TGFB1: variants seen among roughly 807,000 people sequenced by gnomAD.
TGFB1 encodes transforming growth factor beta 1, also known as transforming growth factor beta-1 proprotein.
Under a neutral mutation model 43.8 loss-of-function variants are expected in TGFB1, and 19 were observed. The ratio of observed to expected loss-of-function variants is 0.43; its 90% CI spans 0.30 to 0.64. The LOEUF (loss-of-function observed/expected upper bound fraction) is 0.64, where lower values mean the gene tolerates loss of function less well. Among genes scored for constraint, TGFB1 ranks in the 30% least tolerant of loss-of-function variants. The pLI, the probability that TGFB1 is intolerant of heterozygous loss-of-function variation, is 0.11. For missense variants in TGFB1, 445 were observed against 529.8 expected, an observed-to-expected ratio of 0.84 and a Z score of 1.57; for synonymous variants, 221 against 236.3, an observed-to-expected ratio of 0.94 and a Z score of 0.60.
In TGFB1 at chr19:41,352,802, G is replaced by A; in HGVS notation, c.243C>T (p.Tyr81=). The A allele has an allele frequency of 6.2e-7, 1 of 1,608,402 alleles. No individual in the cohort carries two copies. Among genetic ancestry groups the A allele is most frequent in the Non-Finnish European group, 8.5e-7 (1 of 1,177,242 alleles). ...GPLPEAVLAL[Y]NSTRDRVAGE... ...CGGCCACCCGGTCGCGGGTGCTGTTGTACAGGGCGAGCACGGCCTCGGGCA... is the reference window on the plus strand; with the variant it reads ...CGGCCACCCGGTCGCGGGTGCTGTTATACAGGGCGAGCACGGCCTCGGGCA... Residue 81 remains tyrosine (Y), a synonymous_variant, in exon 1 of 7, where the codon TAC becomes TAT. Coordinates refer to ENST00000221930, the MANE Select transcript of TGFB1 (RefSeq NM_000660.7).
chr19:41,335,704 C>T (rs934376326), intron 5 of TGFB1, among the ~76,000 whole-genome samples: 3 of 152,172 alleles, frequency 2.0e-5, no homozygotes, highest in African/African-American at 4.8e-5. Context: ...CTCTCAAGAC[C>T]TAGGCCAGGT....
chr19:41,331,862 GTC>G (rs2037935736), intron 6 of TGFB1, among the ~76,000 whole-genome samples: 1 of 150,892 alleles, frequency 6.6e-6, no homozygotes, highest in South Asian at 2.1e-4. Context: ...CCATCTCCCT[GTC>G]TCTCTTCTCC....
chr19:41,330,731 G>A lies in TGFB1; in HGVS notation c.*321C>T. On this transcript the variant is annotated 3_prime_UTR_variant, in exon 7 of 7. Transcript: ENST00000221930. ...TGTAAGGCACTTCAACAGTGCCCAA[G>A]GTGCTCAATAAATAGATCTAACTAC... 1 of 300,836 alleles carries A rather than the reference G, an allele frequency of 3.3e-6. No homozygotes were observed. The highest frequency in any genetic ancestry group is 6.2e-6 in the Non-Finnish European group (1 of 161,188). 18.6% of individuals were successfully genotyped at this position (300,836 alleles called of 1,614,324 possible).
At chr19:41,339,583 G>A (rs974954212) in intron 5 of TGFB1, among the ~76,000 whole-genome samples, 1 of 152,018 alleles carries the variant, frequency 6.6e-6, no homozygotes, top group East Asian at 1.9e-4. Context: ...CCAGCACTTT[G>A]GGAGGCCGAG....
rs137864931 is a variant in TGFB1, at chr19:41,352,745, C to A, written c.300G>T (p.Glu100Asp). 5.8e-5 allele frequency: 93 copies of A among 1,613,374 alleles called. 1 individual carries two copies. Among genetic ancestry groups the A allele is most frequent in the Non-Finnish European group, 2.5e-6 (3 of 1,179,750 alleles). Residue 100 changes from glutamate (E) to aspartate (D), a missense_variant, in exon 1 of 7, where the codon GAG becomes GAT. This residue lies in a region of TGFB1 where 366 missense variants were observed against 428.8 expected (regional missense o/e 0.85). Coordinates refer to ENST00000221930, the MANE Select transcript of TGFB1 (RefSeq NM_000660.7). Reference sequence around the variant, plus strand: ...TGACCTCCTTGGCGTAGTAGTCGGCCTCAGGCTCGGGCTCCGGTTCTGCAC... The same window carrying A: ...TGACCTCCTTGGCGTAGTAGTCGGCATCAGGCTCGGGCTCCGGTTCTGCAC... ...GESAEPEPEP[E>D]ADYYAKEVTR...
At chr19:41,337,098 C>T (rs1249654762) in intron 5 of TGFB1, among the ~76,000 whole-genome samples, 2 of 152,006 alleles carry the variant, frequency 1.3e-5, no homozygotes, top group Non-Finnish European at 2.9e-5. Context: ...GCTAAGACTA[C>T]AGGCGCCTGC....
At chr19:41,351,991 C>A (rs2038204761) in intron 1 of TGFB1, among the ~76,000 whole-genome samples, 1 of 152,100 alleles carries the variant, frequency 6.6e-6, no homozygotes, top group African/African-American at 2.4e-5. Context: ...GACACCTCTG[C>A]ATCCCGGGCG....
chr19:41,347,743 A>G (rs970225304), intron 2 of TGFB1, among the ~76,000 whole-genome samples: 10 of 148,164 alleles, frequency 6.7e-5, no homozygotes, highest in African/African-American at 7.5e-5. Flanking sequence ...CAGGAGAATC[A>G]CTTGAACCCA....
intron 5 of TGFB1, among the ~76,000 whole-genome samples, chr19:41,339,562 T>C (rs946540632): frequency 2.0e-5 from 3 of 148,766 alleles, no homozygotes; most frequent in African/African-American, 4.9e-5. Context: ...CAGTGGTTCA[T>C]GCCTGTAATC....
In TGFB1 at chr19:41,341,863, A is replaced by G; in HGVS notation, c.860+20T>C. ...CATGCCCCCAGCCTGGAAGGCCTCC[A>G]TCCAGGCTACAAGGCTCACCTGAAG... On this transcript the variant is annotated intron_variant, in intron 5 of 6. Transcript: ENST00000221930. The G allele has an allele frequency of 6.2e-7, 1 of 1,612,616 alleles. No individual in the cohort carries two copies. The highest frequency in any genetic ancestry group is 8.5e-7 in the Non-Finnish European group (1 of 1,179,826).
chr19:41,339,265 A>G (rs2038025409), intron 5 of TGFB1, among the ~76,000 whole-genome samples: 1 of 151,702 alleles, frequency 6.6e-6, no homozygotes. Flanking sequence ...ACAGGCACAC[A>G]CCACCCAGCC....
At chr19:41,334,424 CTTTT>C (rs750640294) in intron 5 of TGFB1, among the ~76,000 whole-genome samples, 18 of 116,984 alleles carry the variant, frequency 1.5e-4, no homozygotes, top group African/African-American at 4.1e-4. Flanking sequence ...TTGACAATGC[CTTTT>C]TTTTTTTTTT....
intron 5 of TGFB1, among the ~76,000 whole-genome samples, chr19:41,338,136 G>T (rs1375901573): frequency 6.6e-6 from 1 of 151,804 alleles, no homozygotes; most frequent in Non-Finnish European, 1.5e-5. Flanking sequence ...AGGTTGCAGT[G>T]AGCTGAGATC....
intron 5 of TGFB1, among the ~76,000 whole-genome samples, chr19:41,333,941 G>A (rs11466351): frequency 1.1e-3 from 166 of 152,268 alleles, no homozygotes; most frequent in African/African-American, 3.8e-3. Context: ...GAGAGTTTAC[G>A]GGCATTCATT....
chr19:41,344,718 CAG>C (rs762702988), intron 3 of TGFB1, 27 bp downstream of exon 3: 134 of 1,602,394 alleles, frequency 8.4e-5, no homozygotes, highest in Middle Eastern at 5.7e-4. Context: ...CAGGGAGAAA[CAG>C]GGGTGGGACA....
chr19:41,346,669 TAACC>T (rs759658104), intron 2 of TGFB1, among the ~76,000 whole-genome samples: 1 of 152,332 alleles, frequency 6.6e-6, no homozygotes. Flanking sequence ...TAGTAGCTGC[TAACC>T]ACATGTGACT....
intron 2 of TGFB1, among the ~76,000 whole-genome samples, chr19:41,347,167 C>T (rs2038125414): frequency 6.6e-6 from 1 of 152,068 alleles, no homozygotes; most frequent in East Asian, 1.9e-4. Flanking sequence ...GGACTAGAGG[C>T]ACGCATCACC....
chr19:41,333,857 G>T (rs2123083488), intron 5 of TGFB1, among the ~76,000 whole-genome samples: 1 of 152,328 alleles, frequency 6.6e-6, no homozygotes, highest in East Asian at 1.9e-4. Context: ...ATACGGTATT[G>T]CAGTTATGCA....
chr19:41,345,937 T>C (rs901609790), intron 2 of TGFB1, among the ~76,000 whole-genome samples: 2 of 152,056 alleles, frequency 1.3e-5, no homozygotes, highest in Non-Finnish European at 2.9e-5. Flanking sequence ...TTCAAATGTT[T>C]GATAATATCC....
Sources: gnomAD v4.1 joint callset for allele counts (sites outside exome capture counted in the v4.1 genomes callset) on GRCh38, gnomAD v4.1.1 for gene constraint, gnomAD v4.1.1 regional missense constraint, MANE v1.5 for transcripts, NCBI Gene and HGNC (gene_info 2026-07-23, HGNC 2026-07-21) for gene names.